The following ZNF385B variants were observed in gnomAD, a reference collection of about 807,000 sequenced individuals.
ZNF385B encodes zinc finger protein 533.
Under a neutral mutation model 39.2 loss-of-function variants are expected in ZNF385B, and 23 were observed. That is an observed-to-expected ratio of 0.59 (90% CI 0.42 to 0.83). The LOEUF (loss-of-function observed/expected upper bound fraction) is 0.83, where lower values mean the gene tolerates loss of function less well. ZNF385B is among the 40% of genes least tolerant of loss of function. The pLI is 0.00. For synonymous variants in ZNF385B, 205 were observed against 222.6 expected (o/e 0.92, Z 0.70); for missense variants, 552 against 598.9 (o/e 0.92, Z 0.82).
intron 3 of ZNF385B, among the ~76,000 whole-genome samples, chr2:179,716,226 TTAAG>T (rs750968380): frequency 6.6e-5 from 10 of 152,156 alleles, no homozygotes; most frequent in Non-Finnish European, 1.0e-4. Context: ...GAGAAAAGGT[TTAAG>T]TAAGAGGAGA....
intron 3 of ZNF385B, among the ~76,000 whole-genome samples, chr2:179,636,668 T>A (rs1043621409): frequency 6.6e-6 from 1 of 152,128 alleles, no homozygotes; most frequent in Non-Finnish European, 1.5e-5. Flanking sequence ...CAGCAATCAT[T>A]TGTCTTGAGA....
chr2:179,512,833 G>A (rs188312544), intron 5 of ZNF385B, among the ~76,000 whole-genome samples: 1 of 152,306 alleles, frequency 6.6e-6, no homozygotes, highest in East Asian at 1.9e-4. Context: ...AATTTGTAAA[G>A]GTTCATTTGG....
chr2:179,757,402 C>T lies in ZNF385B; in HGVS notation c.298+12101G>A, dbSNP rs185905226. On this transcript the variant is annotated intron_variant, in intron 3 of 9. Transcript: ENST00000410066. ...GGGGGTGCCTCCCAGTTAGGCTACT[C>T]GGGGTCAGGGACCCACTTGAGGAGG... 3.5e-3 allele frequency among the ~76,000 whole-genome samples: 525 copies of T among 152,166 alleles called. 3 individuals carry two copies. The highest frequency in any genetic ancestry group is 6.8e-3 in the Middle Eastern group (2 of 294).
chr2:179,572,572 C>T (rs1449828561), intron 3 of ZNF385B, among the ~76,000 whole-genome samples: 3 of 152,104 alleles, frequency 2.0e-5, no homozygotes, highest in Admixed American at 1.3e-4. Context: ...GTAGACTCAA[C>T]AGGACATGAC....
intron 3 of ZNF385B, among the ~76,000 whole-genome samples, chr2:179,733,151 A>G (rs1701504729): frequency 1.3e-5 from 2 of 152,350 alleles, no homozygotes; most frequent in South Asian, 4.1e-4. Context: ...GATACCAGAA[A>G]TGATCATAGA....
chr2:179,723,052 C>A (rs1700791321), intron 3 of ZNF385B, among the ~76,000 whole-genome samples: 1 of 152,116 alleles, frequency 6.6e-6, no homozygotes, highest in Admixed American at 6.5e-5. Context: ...AAAAGTCAGA[C>A]AGTCTCAAGT....
intron 4 of ZNF385B, among the ~76,000 whole-genome samples, chr2:179,543,947 T>C (rs146240532): frequency 9.9e-4 from 151 of 152,308 alleles, no homozygotes; most frequent in African/African-American, 3.3e-3. Flanking sequence ...CTGGTGGTGT[T>C]GATAATGCAA....
intron 1 of ZNF385B, among the ~76,000 whole-genome samples, chr2:179,775,345 A>T (rs938604775): frequency 8.5e-5 from 13 of 152,228 alleles, no homozygotes; most frequent in Non-Finnish European, 1.9e-4. Flanking sequence ...AAAAGCTTGT[A>T]ATAAACCAGA....
intron 1 of ZNF385B, among the ~76,000 whole-genome samples, chr2:179,771,990 T>C (rs1704039595): frequency 6.6e-6 from 1 of 152,186 alleles, no homozygotes; most frequent in African/African-American, 2.4e-5. Flanking sequence ...GTTGACACTT[T>C]CATCTGAAAA....
chr2:179,770,418 A>G (rs1301658155), intron 2 of ZNF385B, 103 bp downstream of exon 2: 2 of 153,016 alleles, frequency 1.3e-5, no homozygotes, highest in East Asian at 3.8e-4. Flanking sequence ...TGTAGACACA[A>G]ATATATATAC....
At chr2:179,747,712 G>A (rs529945401) in intron 3 of ZNF385B, among the ~76,000 whole-genome samples, 76 of 152,026 alleles carry the variant, frequency 5.0e-4, no homozygotes, top group African/African-American at 1.6e-3. Flanking sequence ...AAAACCCTTC[G>A]GGCTTGATGC....
At chr2:179,577,577 T>TTA (rs1417305985) in intron 3 of ZNF385B, among the ~76,000 whole-genome samples, 11 of 152,096 alleles carry the variant, frequency 7.2e-5, no homozygotes, top group African/African-American at 2.7e-4. Flanking sequence ...CTATGCTCCT[T>TTA]TATAATTATT....
intron 3 of ZNF385B, among the ~76,000 whole-genome samples, chr2:179,571,186 T>C (rs1381275389): frequency 6.6e-6 from 1 of 152,208 alleles, no homozygotes; most frequent in Non-Finnish European, 1.5e-5. Context: ...TGCTCTTAAC[T>C]GGACAAAGTC....
intron 5 of ZNF385B, among the ~76,000 whole-genome samples, chr2:179,512,768 A>G (rs549658318): frequency 6.6e-6 from 1 of 152,338 alleles, no homozygotes; most frequent in East Asian, 1.9e-4. Context: ...ACTCAGTTGG[A>G]AAGCATATTA....
chr2:179,692,607 C>T (rs758134533), intron 3 of ZNF385B, among the ~76,000 whole-genome samples: 6 of 152,182 alleles, frequency 3.9e-5, no homozygotes, highest in Non-Finnish European at 8.8e-5. Context: ...TGTATTACTG[C>T]ACTTTGATAT....
At chr2:179,529,187 T>C (rs1156779715) in intron 4 of ZNF385B, among the ~76,000 whole-genome samples, 1 of 152,194 alleles carries the variant, frequency 6.6e-6, no homozygotes, top group Non-Finnish European at 1.5e-5. Flanking sequence ...GGTTGGTTAA[T>C]GTGATTTATT....
intron 3 of ZNF385B, among the ~76,000 whole-genome samples, chr2:179,725,095 G>A (rs1700921739): frequency 6.6e-6 from 1 of 152,116 alleles, no homozygotes; most frequent in Middle Eastern, 3.4e-3. Flanking sequence ...CTACACAACA[G>A]TAATTAAACT....
At chr2:179,738,597 T>G (rs1422970730) in intron 3 of ZNF385B, among the ~76,000 whole-genome samples, 1 of 152,188 alleles carries the variant, frequency 6.6e-6, no homozygotes, top group East Asian at 1.9e-4. Context: ...AAACTGATCA[T>G]GTTGGAGTTG....
intron 3 of ZNF385B, among the ~76,000 whole-genome samples, chr2:179,665,771 T>C (rs1268556794): frequency 6.6e-6 from 1 of 152,192 alleles, no homozygotes; most frequent in African/African-American, 2.4e-5. Flanking sequence ...GATGCTCAGA[T>C]ATGTCAAGTT....
Sources: allele counts gnomAD v4.1 joint callset (sites outside exome capture counted in the v4.1 genomes callset), GRCh38; gene constraint gnomAD v4.1.1; transcripts MANE v1.5; gene names NCBI Gene and HGNC (gene_info 2026-07-23, HGNC 2026-07-21).